The following GSK3B variants were observed in gnomAD, a reference collection of about 807,000 sequenced individuals.
GSK3B encodes the protein glycogen synthase kinase-3 beta.
GSK3B carries 15 observed loss-of-function variants against 56.4 expected under a neutral mutation model. The ratio of observed to expected loss-of-function variants is 0.27; its 90% CI spans 0.18 to 0.41. The LOEUF (loss-of-function observed/expected upper bound fraction) is 0.41, where lower values mean the gene tolerates loss of function less well. Ranked by LOEUF, GSK3B falls within the 10% of genes least tolerant of loss-of-function variation. The pLI is 1.00. For synonymous variants in GSK3B, 181 were observed against 188.9 expected (o/e 0.96, Z 0.34); for missense variants, 300 against 513.4 (o/e 0.58, Z 4.02).
rs1189454759 is a variant in GSK3B, at chr3:119,828,773, TATACATTTA to T, written c.1196-1927_1196-1919del. ...CTAATTTCCCGATAAGCTGCCCTTA[TATACATTTA>T]GCACAGCCTTTGGGGAAGGAATGTG... On this transcript the variant is annotated intron_variant, in intron 10 of 10. Transcript: ENST00000264235. Among the ~76,000 whole-genome samples the T allele has an allele frequency of 3.7e-4, 57 of 152,240 alleles. 1 individual carries two copies. Among genetic ancestry groups the T allele is most frequent in the Non-Finnish European group, 6.6e-4 (45 of 68,044 alleles).
intron 1 of GSK3B, among the ~76,000 whole-genome samples, chr3:120,063,559 T>A (rs1321861672): frequency 6.6e-6 from 1 of 150,458 alleles, no homozygotes; most frequent in East Asian, 2.0e-4. Context: ...AAACCCTGTC[T>A]CTACTAAAAA....
intron 7 of GSK3B, among the ~76,000 whole-genome samples, chr3:119,901,107 T>C (rs530447976): frequency 3.9e-5 from 6 of 152,200 alleles, no homozygotes; most frequent in Admixed American, 6.5e-5. Flanking sequence ...GACAATGTTG[T>C]ATGTCAGTGA....
chr3:120,018,153 C>T (rs1022584361), intron 1 of GSK3B, among the ~76,000 whole-genome samples: 3 of 152,082 alleles, frequency 2.0e-5, no homozygotes, highest in Non-Finnish European at 4.4e-5. Context: ...AGCAACAGTC[C>T]TACAAAGGAG....
chr3:119,985,080 A>C (rs1221801835), intron 2 of GSK3B, among the ~76,000 whole-genome samples: 2 of 152,194 alleles, frequency 1.3e-5, no homozygotes, highest in African/African-American at 2.4e-5. Context: ...ACAGAACCAA[A>C]GACAAAAACC....
intron 3 of GSK3B, among the ~76,000 whole-genome samples, chr3:119,934,089 G>T (rs1224486743): frequency 2.0e-5 from 3 of 152,324 alleles, no homozygotes; most frequent in Middle Eastern, 3.4e-3. Context: ...AATAATTTGT[G>T]TAGCTACTCC....
intron 1 of GSK3B, among the ~76,000 whole-genome samples, chr3:120,015,606 C>T (rs137906316): frequency 0.012 from 1,525 of 130,798 alleles, 21 homozygotes; most frequent in African/African-American, 0.042. Context: ...GCCAAGATCA[C>T]GCCATTGCAC....
chr3:119,977,779 A>T (rs2057421511), intron 2 of GSK3B, among the ~76,000 whole-genome samples: 1 of 152,042 alleles, frequency 6.6e-6, no homozygotes, highest in Non-Finnish European at 1.5e-5. Context: ...CAATAGGGGG[A>T]AAAAATTTGA....
intron 1 of GSK3B, among the ~76,000 whole-genome samples, chr3:120,055,005 A>G (rs2058181250): frequency 6.6e-6 from 1 of 152,158 alleles, no homozygotes; most frequent in Non-Finnish European, 1.5e-5. Context: ...ATCATCAACT[A>G]CTAAAGGAAG....
intron 2 of GSK3B, among the ~76,000 whole-genome samples, chr3:119,953,683 T>C (rs2057181599): frequency 6.6e-6 from 1 of 152,210 alleles, no homozygotes; most frequent in African/African-American, 2.4e-5. Flanking sequence ...TCACTCTTCC[T>C]GAATATATTG....
chr3:120,012,924 A>T (rs1268861736), intron 1 of GSK3B, among the ~76,000 whole-genome samples: 1 of 152,044 alleles, frequency 6.6e-6, no homozygotes, highest in Non-Finnish European at 1.5e-5. Context: ...CTTAAGTCTA[A>T]AATCATCCTA....
intron 3 of GSK3B, among the ~76,000 whole-genome samples, chr3:119,929,900 T>TC (rs1299871454): frequency 1.6e-5 from 2 of 121,420 alleles, no homozygotes; most frequent in African/African-American, 6.1e-5. Flanking sequence ...AAACTCTGCC[T>TC]CAAAAAAAAA....
intron 1 of GSK3B, among the ~76,000 whole-genome samples, chr3:120,010,615 A>C (rs1486703294): frequency 6.6e-6 from 1 of 152,244 alleles, no homozygotes; most frequent in African/African-American, 2.4e-5. Flanking sequence ...AAAATCTCAC[A>C]TCTAACTCAC....
At chr3:119,944,878 A>C (rs1258759335) in intron 3 of GSK3B, among the ~76,000 whole-genome samples, 1 of 152,228 alleles carries the variant, frequency 6.6e-6, no homozygotes, top group African/African-American at 2.4e-5. Flanking sequence ...AAGATAAATC[A>C]TCTTCAAGGA....
chr3:119,849,639 G>T (rs947916948), intron 9 of GSK3B, among the ~76,000 whole-genome samples: 1 of 151,990 alleles, frequency 6.6e-6, no homozygotes, highest in African/African-American at 2.4e-5. Context: ...CAGCAGTTTT[G>T]TGTCTTAGTC....
At chr3:119,839,202 A>G (rs528914117) in intron 10 of GSK3B, among the ~76,000 whole-genome samples, 1 of 152,344 alleles carries the variant, frequency 6.6e-6, no homozygotes, top group African/African-American at 2.4e-5. Context: ...AATATAGAGA[A>G]TTAGATTTCT....
chr3:119,855,305 T>C (rs911643980), intron 9 of GSK3B, among the ~76,000 whole-genome samples: 2 of 152,090 alleles, frequency 1.3e-5, no homozygotes, highest in Non-Finnish European at 2.9e-5. Flanking sequence ...GTTAGAATGG[T>C]GATCATTAAA....
intron 2 of GSK3B, among the ~76,000 whole-genome samples, chr3:119,991,510 CAAA>C (rs61063108): frequency 5.1e-5 from 4 of 78,938 alleles, no homozygotes; most frequent in Admixed American, 1.4e-4. Context: ...TACTATTCAC[CAAA>C]AAAAAAAAAA....
intron 7 of GSK3B, among the ~76,000 whole-genome samples, chr3:119,903,812 G>A (rs1576187718): frequency 6.6e-6 from 1 of 152,120 alleles, no homozygotes; most frequent in Non-Finnish European, 1.5e-5. Context: ...AAATAGAATA[G>A]CTAATATGCC....
At chr3:119,854,713 G>T (rs1188540506) in intron 9 of GSK3B, among the ~76,000 whole-genome samples, 2 of 152,230 alleles carry the variant, frequency 1.3e-5, no homozygotes, top group African/African-American at 4.8e-5. Context: ...GCGTAGAAGT[G>T]TTCATAGTAT....
Sources: gnomAD v4.1 joint callset for allele counts (sites outside exome capture counted in the v4.1 genomes callset) on GRCh38, gnomAD v4.1.1 for gene constraint, MANE v1.5 for transcripts, NCBI Gene and HGNC (gene_info 2026-07-23, HGNC 2026-07-21) for gene names.